The following VPS13B variants were observed in gnomAD, a reference collection of about 807,000 sequenced individuals.
VPS13B encodes vacuolar protein sorting 13 homolog B.
In VPS13B, 285 loss-of-function variants were observed where a neutral mutation model predicts 426.4. The ratio of observed to expected loss-of-function variants is 0.67; its 90% CI spans 0.61 to 0.74. VPS13B has a LOEUF of 0.74. VPS13B is among the 30% of genes least tolerant of loss of function. The pLI, the probability that VPS13B is intolerant of heterozygous loss-of-function variation, is 0.00. For missense variants in VPS13B, 4,537 were observed against 4,782.6 expected, an observed-to-expected ratio of 0.95 and a Z score of 1.51; for synonymous variants, 1,676 against 1,676.4, an observed-to-expected ratio of 1.00 and a Z score of 0.01.
At chr8:99,324,600 GA>G (rs1275065704) in intron 19 of VPS13B, among the ~76,000 whole-genome samples, 1 of 151,452 alleles carries the variant, frequency 6.6e-6, no homozygotes, top group East Asian at 1.9e-4. Flanking sequence ...GATTTTGTCT[GA>G]AAAAAAGAAA....
At chr8:99,132,862 C>A (rs1169346165) in intron 8 of VPS13B, among the ~76,000 whole-genome samples, 2 of 152,114 alleles carry the variant, frequency 1.3e-5, no homozygotes, top group African/African-American at 2.4e-5. Context: ...ATTTAGTAAA[C>A]CATGCCATAA....
chr8:99,718,698 AT>A (rs1833015521), intron 37 of VPS13B, among the ~76,000 whole-genome samples: 1 of 148,874 alleles, frequency 6.7e-6, no homozygotes, highest in South Asian at 2.1e-4. Flanking sequence ...ACAGAATCTC[AT>A]TTTGTTGCAC....
chr8:99,016,034 A>C (rs189168619), intron 2 of VPS13B, among the ~76,000 whole-genome samples: 1 of 152,132 alleles, frequency 6.6e-6, no homozygotes, highest in Non-Finnish European at 1.5e-5. Context: ...TTTTCTTTCA[A>C]CCTTTCTAAG....
intron 21 of VPS13B, 109 bp downstream of exon 21, chr8:99,391,813 T>G (rs974082429): frequency 5.0e-6 from 7 of 1,394,950 alleles, no homozygotes; most frequent in Middle Eastern, 1.8e-4. Flanking sequence ...ACTCATTGAG[T>G]GGAGACAAAG....
At chr8:99,457,511 G>A (rs564466590) in intron 23 of VPS13B, among the ~76,000 whole-genome samples, 1 of 152,048 alleles carries the variant, frequency 6.6e-6, no homozygotes, top group African/African-American at 2.4e-5. Flanking sequence ...TTAAGCTAAA[G>A]GATTGTCAGT....
chr8:99,715,270 T>C (rs1164768684), intron 36 of VPS13B, among the ~76,000 whole-genome samples: 2 of 152,280 alleles, frequency 1.3e-5, no homozygotes, highest in African/African-American at 2.4e-5. Flanking sequence ...TTCTAAACTG[T>C]CGATTCAGTT....
At chr8:99,389,115 C>T (rs991432517) in intron 20 of VPS13B, among the ~76,000 whole-genome samples, 2 of 152,020 alleles carry the variant, frequency 1.3e-5, no homozygotes, top group African/African-American at 2.4e-5. Context: ...CACCACTGCA[C>T]TCCAGCCTGG....
chr8:99,682,909 T>A (rs887589200), intron 35 of VPS13B, among the ~76,000 whole-genome samples: 1 of 152,176 alleles, frequency 6.6e-6, no homozygotes, highest in African/African-American at 2.4e-5. Flanking sequence ...TACTTGGTGC[T>A]CCATTCTACT....
At chr8:99,133,598 A>C (rs1457253171) in intron 8 of VPS13B, among the ~76,000 whole-genome samples, 1 of 152,176 alleles carries the variant, frequency 6.6e-6, no homozygotes, top group African/African-American at 2.4e-5. Flanking sequence ...TTTGATTTAA[A>C]GTGAGAGACA....
At chr8:99,713,066 T>G (rs1350251648) in intron 36 of VPS13B, among the ~76,000 whole-genome samples, 1 of 152,216 alleles carries the variant, frequency 6.6e-6, no homozygotes, top group Non-Finnish European at 1.5e-5. Flanking sequence ...ATATCAGTAT[T>G]TAGCACAATA....
chr8:99,743,258 C>T (rs1207523561), intron 39 of VPS13B, among the ~76,000 whole-genome samples: 1 of 152,078 alleles, frequency 6.6e-6, no homozygotes, highest in East Asian at 1.9e-4. Context: ...AGGAATCCAA[C>T]TTACAAGGGA....
At chr8:99,186,809 A>C (rs1248646934) in intron 16 of VPS13B, among the ~76,000 whole-genome samples, 1 of 152,132 alleles carries the variant, frequency 6.6e-6, no homozygotes, top group Admixed American at 6.5e-5. Context: ...ATATTAAAAT[A>C]ATTAAGGAGA....
chr8:99,840,795 A>G (rs112043696), intron 54 of VPS13B, among the ~76,000 whole-genome samples: 1,836 of 152,320 alleles, frequency 0.012, 35 homozygotes, highest in African/African-American at 0.041. Flanking sequence ...TTAAAGCAGC[A>G]GGTAGTAATT....
intron 30 of VPS13B, among the ~76,000 whole-genome samples, chr8:99,541,605 T>C (rs375895141): frequency 1.2e-4 from 19 of 152,350 alleles, no homozygotes; most frequent in African/African-American, 4.6e-4. Flanking sequence ...AGCACATTTA[T>C]TATTCCCATA....
At chr8:99,343,297 T>C (rs1811354686) in intron 19 of VPS13B, among the ~76,000 whole-genome samples, 3 of 151,700 alleles carry the variant, frequency 2.0e-5, no homozygotes, top group African/African-American at 7.2e-5. Context: ...TTTCACCATG[T>C]TGGCCAGGAT....
At chr8:99,659,912 G>C (rs1021998180) in intron 34 of VPS13B, among the ~76,000 whole-genome samples, 62 of 152,116 alleles carry the variant, frequency 4.1e-4, no homozygotes, top group African/African-American at 1.5e-3. Context: ...TAGCTGTGGT[G>C]GTGGGACCCA....
chr8:99,290,876 A>G (rs1047592530), intron 19 of VPS13B, among the ~76,000 whole-genome samples: 9 of 152,068 alleles, frequency 5.9e-5, no homozygotes, highest in African/African-American at 2.2e-4. Flanking sequence ...GAAGATTTGA[A>G]TGGGATGGGA....
At chr8:99,336,070 C>G in intron 19 of VPS13B, among the ~76,000 whole-genome samples, 1 of 151,898 alleles carries the variant, frequency 6.6e-6, no homozygotes, top group East Asian at 1.9e-4. Flanking sequence ...AATCCTAAGC[C>G]AAAGAACAAA....
intron 22 of VPS13B, among the ~76,000 whole-genome samples, chr8:99,434,037 A>T (rs111784061): frequency 1.5e-3 from 221 of 152,200 alleles, no homozygotes; most frequent in African/African-American, 5.0e-3. Context: ...AGAATTTCTG[A>T]CCTCAGGCGA....
Sources: gnomAD v4.1 joint callset for allele counts (sites outside exome capture counted in the v4.1 genomes callset) on GRCh38, gnomAD v4.1.1 for gene constraint, MANE v1.5 for transcripts, NCBI Gene and HGNC (gene_info 2026-07-23, HGNC 2026-07-21) for gene names.